The following CASZ1 variants were observed in gnomAD, a reference collection of about 807,000 sequenced individuals.
CASZ1 encodes zinc finger protein castor homolog 1.
CASZ1 carries 28 observed loss-of-function variants against 135.2 expected under a neutral mutation model. That is an observed-to-expected ratio of 0.21 (90% CI 0.15 to 0.28). The LOEUF (loss-of-function observed/expected upper bound fraction) is 0.28, where lower values mean the gene tolerates loss of function less well. CASZ1 is among the 10% of genes least tolerant of loss of function. CASZ1 has a pLI of 1.00. For synonymous variants in CASZ1, 1,068 were observed against 1,073.4 expected (o/e 0.99, Z 0.10); for missense variants, 2,161 against 2,453.3 (o/e 0.88, Z 2.52).
rs1201540097 is a variant in CASZ1 at position 10,727,959 on chromosome 1, G to A, written c.-76-22415C>T. ...GAACTAACCCCGGGCGCGATGCCAC[G>A]TGCCCAGAAACTGGGCATCTGCTGG... On this transcript the variant is annotated intron_variant, in intron 2 of 20. Coordinates refer to ENST00000377022, the MANE Select transcript of CASZ1 (RefSeq NM_001079843.3). The surrounding 1 kb of genome is among the most constrained non-coding windows in gnomAD (Gnocchi z 5.3). 6.6e-6 allele frequency among the ~76,000 whole-genome samples: 1 copy of A among 152,230 alleles called. No homozygotes were observed. Among genetic ancestry groups the A allele is most frequent in the African/African-American group, 2.4e-5 (1 of 41,462 alleles).
intron 4 of CASZ1, among the ~76,000 whole-genome samples, chr1:10,693,344 T>C (rs891499422): frequency 6.6e-6 from 1 of 151,582 alleles, no homozygotes; most frequent in Non-Finnish European, 1.5e-5. Flanking sequence ...TTGTCCCAAA[T>C]AAATTAAATT....
Position 10,659,638 on chromosome 1 carries a change from G to A in CASZ1, c.1340+64C>T, listed in dbSNP as rs984960052. ...CTCAAGCACGGGCAACCCTGGTGAGGAAGGAGGCCTCCTGTCTAGTCTGGC... is the reference window on the plus strand; with the variant it reads ...CTCAAGCACGGGCAACCCTGGTGAGAAAGGAGGCCTCCTGTCTAGTCTGGC... On this transcript the variant is annotated intron_variant, in intron 6 of 20. Transcript: ENST00000377022. 2.8e-5 allele frequency: 38 copies of A among 1,334,896 alleles called. No individual in the cohort carries two copies. The African/African-American group carries it at 4.8e-4, about 17-fold the overall frequency. 82.7% of individuals were successfully genotyped at this position (1,334,896 alleles called of 1,614,324 possible).
chr1:10,712,051 T>C (rs1462670533), intron 2 of CASZ1, among the ~76,000 whole-genome samples: 2 of 152,166 alleles, frequency 1.3e-5, no homozygotes, highest in East Asian at 1.9e-4. Context: ...TTCTATACTT[T>C]AAAGTGATTA....
At chr1:10,665,674 T>C (rs1032793134) in intron 4 of CASZ1, 103 bp from the exon 5 acceptor site, 15 of 1,313,872 alleles carry the variant, frequency 1.1e-5, no homozygotes, top group Non-Finnish European at 1.4e-5. Flanking sequence ...GCCTCCCCCA[T>C]TGACCACAGT....
chr1:10,704,944 C>T (rs577448374), intron 3 of CASZ1, among the ~76,000 whole-genome samples: 1 of 152,398 alleles, frequency 6.6e-6, no homozygotes, highest in South Asian at 2.1e-4. Flanking sequence ...AAAGGCAGGA[C>T]ATGGCAGCCT....
At position 10,712,630 on chromosome 1, in the gene CASZ1, GGCTCCACAGGATGT is replaced by G. The variant is rs1381774545; in HGVS notation, c.-76-7100_-76-7087del. ...TCCACCATCCGAGTGGGGCTCCCGG[GGCTCCACAGGATGT>G]GCTGTGTGATCACTGAGGGAGAGGA... On this transcript the variant is annotated intron_variant, in intron 2 of 20. Coordinates refer to ENST00000377022, the MANE Select transcript of CASZ1 (RefSeq NM_001079843.3). Among the ~76,000 whole-genome samples the G allele has an allele frequency of 2.0e-5, 3 of 152,182 alleles. No homozygotes were observed. In the East Asian group the frequency reaches 5.8e-4, roughly 30 times the overall value.
chr1:10,657,233 AC>A lies in CASZ1; in HGVS notation c.1410-498del, dbSNP rs1341135195. Among the ~76,000 whole-genome samples, 1 of 152,194 alleles carries A rather than the reference AC, an allele frequency of 6.6e-6. No homozygotes were observed. The highest frequency in any genetic ancestry group is 1.5e-5 in the Non-Finnish European group (1 of 68,020). ...AAGCACAGCATCTGTTTGGCTTCCT[AC>A]AGCAACGAGCTCACTCTCCAGCCGC... is the stretch of plus-strand genomic sequence containing the variant. On this transcript the variant is annotated intron_variant, in intron 7 of 20. Transcript: ENST00000377022. The surrounding 1 kb of genome is among the most constrained non-coding windows in gnomAD (Gnocchi z 5.7).
At chr1:10,775,973 G>A (rs565841751) in intron 1 of CASZ1, among the ~76,000 whole-genome samples, 3 of 152,234 alleles carry the variant, frequency 2.0e-5, no homozygotes, top group South Asian at 4.2e-4. Context: ...CCCTGAGCTC[G>A]TCTGGAACCT....
At position 10,660,179 on chromosome 1, in the gene CASZ1, T is replaced by C; in HGVS notation, c.863A>G (p.Lys288Arg). 1.2e-6 allele frequency: 2 copies of C among 1,613,762 alleles called. No homozygotes were observed. Among genetic ancestry groups the C allele is most frequent in the Non-Finnish European group, 1.7e-6 (2 of 1,179,928 alleles). The change falls in exon 6 of 21, where the codon AAG (lysine) becomes AGG (arginine). Residue 288 changes from lysine to arginine, a missense_variant. By Grantham distance (26) the Lys-to-Arg change is conservative. Around this residue, in one of 7 missense-constraint regions of CASZ1, gnomAD observed 590 missense variants for 609.8 expected, o/e 0.97. Coordinates refer to ENST00000377022, the MANE Select transcript of CASZ1 (RefSeq NM_001079843.3). ...LPSSTAHLETKATILPLPSHS... is the reference protein window; with the variant it reads ...LPSSTAHLETRATILPLPSHS... ...CGACGGCAGGGGCAGGATGGTGGCC[T>C]TGGTCTCCAGGTGGGCCGTGCTGCT...
intron 1 of CASZ1, among the ~76,000 whole-genome samples, chr1:10,780,177 A>G (rs993054647): frequency 1.3e-5 from 2 of 152,204 alleles, no homozygotes; most frequent in Non-Finnish European, 2.9e-5. Flanking sequence ...TTATATCTGA[A>G]TATCTCAAAG....
chr1:10,652,848 GC>G (rs1237678223), intron 11 of CASZ1: 97 of 159,688 alleles, frequency 6.1e-4, no homozygotes, highest in Non-Finnish European at 9.9e-4. Flanking sequence ...AGAATAGAAG[GC>G]TTCCAAGGCC....
At chr1:10,702,293 G>A (rs746593556) in intron 3 of CASZ1, among the ~76,000 whole-genome samples, 8 of 152,148 alleles carry the variant, frequency 5.3e-5, no homozygotes, top group East Asian at 1.9e-4. Flanking sequence ...TTCAAGGAGC[G>A]CGCCCAGCTT....
At chr1:10,652,064 C>T (rs1642609935) in intron 11 of CASZ1, 1 of 152,236 alleles carries the variant, frequency 6.6e-6, no homozygotes, top group Non-Finnish European at 1.5e-5. Flanking sequence ...TCCTATTGGG[C>T]CTGTGAGAGT....
In CASZ1 at chr1:10,654,045, A is replaced by T; in HGVS notation, c.2012T>A (p.Ile671Asn). The T allele has an allele frequency of 6.2e-7, 1 of 1,614,246 alleles. No individual in the cohort carries two copies. The highest frequency in any genetic ancestry group is 2.2e-5 in the East Asian group (1 of 44,886). Residue 671 changes from isoleucine (I) to asparagine (N), a missense_variant, in exon 11 of 21, where the codon ATC (isoleucine) becomes AAC (asparagine). Around this residue, in one of 7 missense-constraint regions of CASZ1, gnomAD observed 248 missense variants for 410.8 expected, o/e 0.60. Coordinates refer to ENST00000377022, the MANE Select transcript of CASZ1 (RefSeq NM_001079843.3). ...YSKATNHFHC[I>N]RAGCGFTFTS... ...GAAGGTGAAGCCGCAGCCGGCGCGGATGCAGTGGAAGTGGTTGGTAGCCTT... is the reference window on the plus strand; with the variant it reads ...GAAGGTGAAGCCGCAGCCGGCGCGGTTGCAGTGGAAGTGGTTGGTAGCCTT...
chr1:10,789,484 T>C (rs1023491439), intron 1 of CASZ1, among the ~76,000 whole-genome samples: 2 of 151,932 alleles, frequency 1.3e-5, no homozygotes, highest in Non-Finnish European at 2.9e-5. Context: ...TTAAGACTTA[T>C]TAAGAATGAT....
intron 1 of CASZ1, among the ~76,000 whole-genome samples, chr1:10,781,321 G>A (rs1167179802): frequency 1.3e-5 from 2 of 152,218 alleles, no homozygotes; most frequent in Admixed American, 1.3e-4. Flanking sequence ...GCTACCCTCT[G>A]GGAACAGGTG....
At chr1:10,680,994 G>A (rs531891597) in intron 4 of CASZ1, among the ~76,000 whole-genome samples, 3 of 152,288 alleles carry the variant, frequency 2.0e-5, no homozygotes, top group Non-Finnish European at 4.4e-5. Context: ...TCCACCTCCT[G>A]GATTCAAGCG....
At chr1:10,683,525 C>A (rs1047308392) in intron 4 of CASZ1, among the ~76,000 whole-genome samples, 1 of 152,160 alleles carries the variant, frequency 6.6e-6, no homozygotes, top group African/African-American at 2.4e-5. Context: ...GGGCAAGGTC[C>A]CCATCTTCCC....
In CASZ1 at chr1:10,660,367, G is replaced by A; in HGVS notation, c.675C>T (p.Thr225=). 1 of 1,614,180 alleles carries A rather than the reference G, an allele frequency of 6.2e-7. No homozygotes were observed. The highest frequency in any genetic ancestry group is 8.5e-7 in the Non-Finnish European group (1 of 1,180,022). Residue 225 remains threonine, a synonymous_variant, in exon 6 of 21, where the codon ACC becomes ACT. Transcript: ENST00000377022. ...CCCGCTTGCTGAGGGTATCCTCGGA[G>A]GTGGGCAGCATGGAGGAGGTGGCTG... The part of the protein sequence containing the change: ...PEAATSSMLP[T]SEDTLSKRAR...
Sources: allele counts gnomAD v4.1 joint callset (sites outside exome capture counted in the v4.1 genomes callset), GRCh38; gene constraint gnomAD v4.1.1; regional missense constraint gnomAD v4.1.1; non-coding constraint Gnocchi (gnomAD v3.1); transcripts MANE v1.5; gene names NCBI Gene and HGNC (gene_info 2026-07-23, HGNC 2026-07-21).